The following LRRK1 variants were observed in gnomAD, a reference collection of about 807,000 sequenced individuals.
LRRK1 encodes leucine rich repeat kinase 1.
Under a neutral mutation model 209.1 loss-of-function variants are expected in LRRK1, and 113 were observed. That is an observed-to-expected ratio of 0.54 (90% CI 0.46 to 0.63). The LOEUF (loss-of-function observed/expected upper bound fraction) is 0.63. Ranked by LOEUF, LRRK1 falls within the 30% of genes least tolerant of loss-of-function variation. The pLI is 0.00. For missense variants in LRRK1, 2,284 were observed against 2,632.2 expected (o/e 0.87, Z 2.89); for synonymous variants, 1,144 against 1,099.7 (o/e 1.04, Z -0.80).
chr15:100,947,077 C>T (rs966517505), intron 2 of LRRK1, among the ~76,000 whole-genome samples: 8 of 152,202 alleles, frequency 5.3e-5, no homozygotes, highest in Non-Finnish European at 1.0e-4. Flanking sequence ...TCAAGCGATT[C>T]CTCTGCCTCA....
Position 100,962,823 on chromosome 15 carries a change from A to ATATATTTT in LRRK1, c.98-10980_98-10979insATATTTTT. ...TATATATATATATATATATATATAT[A>ATATATTTT]TTTTTTTTTTTTTTTTTGAGATGGA... On this transcript the variant is annotated intron_variant, in intron 2 of 33. Transcript: ENST00000388948. Among the ~76,000 whole-genome samples the ATATATTTT allele has an allele frequency of 2.6e-4, 3 of 11,548 alleles. 1 individual carries two copies. The highest frequency in any genetic ancestry group is 7.6e-4 in the African/African-American group (3 of 3,962). The allele number at this position is 11,548 out of a possible 152,430, so 7.6% of individuals were successfully genotyped here.
intron 6 of LRRK1, among the ~76,000 whole-genome samples, chr15:100,991,193 A>G (rs1201164243): frequency 6.6e-6 from 1 of 152,234 alleles, no homozygotes; most frequent in East Asian, 1.9e-4. Context: ...TCACTGGCCT[A>G]TTAATCTGTT....
Position 101,055,065 on chromosome 15 carries a change from A to G in LRRK1, c.4174A>G (p.Ile1392Val), listed in dbSNP as rs956247305. 1.2e-6 allele frequency: 2 copies of G among 1,614,070 alleles called. No homozygotes were observed. The highest frequency in any genetic ancestry group is 2.7e-5 in the African/African-American group (2 of 74,938). Residue 1392 changes from isoleucine (I) to valine (V), a missense_variant, in exon 27 of 34, where the codon ATT becomes GTT. This residue lies in a region of LRRK1 where 780 missense variants were observed against 985.2 expected (regional missense o/e 0.79). Transcript: ENST00000388948. Reference sequence around the variant, plus strand: ...CTTCTGTGACCTGAAGTCGGACAACATTCTGGTGTGGTCCCTTGACGTCAA... The same window carrying G: ...CTTCTGTGACCTGAAGTCGGACAACGTTCTGGTGTGGTCCCTTGACGTCAA... ...IIFCDLKSDN[I>V]LVWSLDVKEH...
rs1484016685 is a variant in LRRK1 at position 101,027,844 on chromosome 15, C to T, written c.2686+47C>T. 1 of 1,490,400 alleles carries T rather than the reference C, an allele frequency of 6.7e-7. No homozygotes were observed. Among genetic ancestry groups the T allele is most frequent in the Non-Finnish European group, 9.0e-7 (1 of 1,106,330 alleles). 92.3% of individuals were successfully genotyped at this position (1,490,400 alleles called of 1,614,324 possible). ...GGCAGGGTGCCCGTGAGAAATGGAA[C>T]TGTCTGTACTTGCTAACTTCAGCTT... On this transcript the variant is annotated intron_variant, in intron 19 of 33. Transcript: ENST00000388948. The surrounding 1 kb of genome is among the most constrained non-coding windows in gnomAD (Gnocchi z 5.1).
At position 100,923,712 on chromosome 15, in the gene LRRK1, G is replaced by A. The variant is rs188856591; in HGVS notation, c.-122-799G>A. ...CAGTTTATCATAGTCATTAGTTTCAGAGATTAGTCTAACTCCACCCTGGAA... is the reference window on the plus strand; with the variant it reads ...CAGTTTATCATAGTCATTAGTTTCAAAGATTAGTCTAACTCCACCCTGGAA... On this transcript the variant is annotated intron_variant, in intron 1 of 33. Transcript: ENST00000388948. Among the ~76,000 whole-genome samples the A allele has an allele frequency of 3.1e-3, 475 of 152,338 alleles. 3 individuals are homozygous for A. The highest frequency in any genetic ancestry group is 0.011 in the African/African-American group (447 of 41,566).
At chr15:100,924,344 G>T (rs1173320867) in intron 1 of LRRK1, among the ~76,000 whole-genome samples, 167 bp from the exon 2 acceptor site, 1 of 152,200 alleles carries the variant, frequency 6.6e-6, no homozygotes, top group African/African-American at 2.4e-5. Flanking sequence ...GATGGGATGG[G>T]GGGAGCTGTG....
chr15:101,053,306 C>A lies in LRRK1; in HGVS notation c.3940C>A (p.Leu1314Met), dbSNP rs1032474692. The change falls in exon 26 of 34, where the codon CTG (leucine) becomes ATG (methionine). Residue 1314 changes from leucine (L) to methionine (M), a missense_variant. By Grantham distance (15) the Leu-to-Met change is conservative. Around this residue, in one of 6 missense-constraint regions of LRRK1, gnomAD observed 780 missense variants for 985.2 expected, o/e 0.79. Transcript: ENST00000388948. ...FRQEASMLHA[L>M]QHPCIVALIG... ...GCAGGAGGCCAGCATGCTGCACGCG[C>A]TGCAGCACCCCTGCATCGTGGCGCT... The A allele has an allele frequency of 1.2e-6, 2 of 1,605,394 alleles. No individual in the cohort carries two copies. The highest frequency in any genetic ancestry group is 2.7e-5 in the African/African-American group (2 of 74,946).
chr15:101,058,391 G>A lies in LRRK1; in HGVS notation c.4679+250G>A, dbSNP rs1392623407. Among the ~76,000 whole-genome samples the A allele has an allele frequency of 7.9e-5, 12 of 152,058 alleles. 1 individual carries two copies. The highest frequency in any genetic ancestry group is 7.2e-4 in the Admixed American group (11 of 15,270). On this transcript the variant is annotated intron_variant, in intron 29 of 33. Coordinates refer to ENST00000388948, the MANE Select transcript of LRRK1 (RefSeq NM_024652.6). Reference sequence around the variant, plus strand: ...AGTATCTGCCAGGGTGTCTGGGGACGTGAGGGCACTGTGGCATGTGCCTAC... The same window carrying A: ...AGTATCTGCCAGGGTGTCTGGGGACATGAGGGCACTGTGGCATGTGCCTAC...
chr15:101,034,387 T>A (rs1188642374), intron 20 of LRRK1, among the ~76,000 whole-genome samples: 1 of 152,172 alleles, frequency 6.6e-6, no homozygotes, highest in Non-Finnish European at 1.5e-5. Context: ...TAGTTTGGGG[T>A]CTTAAATTTA....
Position 100,973,886 on chromosome 15 carries a change from C to T in LRRK1, c.180C>T (p.Ala60=), listed in dbSNP as rs1208429017. Residue 60 remains alanine (A), a synonymous_variant, in exon 3 of 34, where the codon GCC becomes GCT. Coordinates refer to ENST00000388948, the MANE Select transcript of LRRK1 (RefSeq NM_024652.6). ...ARSRRTEGIR[A]AYRRGDRGGA... ...CCCGCAGGACGGAAGGCATCCGCGC[C>T]GCGTACAGGCGGGGAGACCGCGGCG... is the stretch of plus-strand genomic sequence containing the variant. The T allele has an allele frequency of 7.8e-7, 1 of 1,277,304 alleles. No individual in the cohort carries two copies. Among genetic ancestry groups the T allele is most frequent in the Non-Finnish European group, 9.9e-7 (1 of 1,006,470 alleles). 79.1% of individuals were successfully genotyped at this position (1,277,304 alleles called of 1,614,324 possible).
chr15:101,066,536 C>T, intron 32 of LRRK1, 104 bp from the exon 33 acceptor site: 2 of 1,019,890 alleles, frequency 2.0e-6, no homozygotes, highest in Non-Finnish European at 1.5e-6. Flanking sequence ...GCAGAAACTG[C>T]ATGTCTGTTG....
In LRRK1 at chr15:101,048,479, TTC is replaced by T. The variant is rs771026681; in HGVS notation, c.3136-11_3136-10del. On this transcript the variant is annotated splice_polypyrimidine_tract_variant and intron_variant, in intron 21 of 33. Coordinates refer to ENST00000388948, the MANE Select transcript of LRRK1 (RefSeq NM_024652.6). The stretch of plus-strand genomic sequence containing the variant: ...GCCCAGAATACTTAAGCAGGGTCTT[TTC>T]TCTGTCTTTCAGCTTTTTGAAAACA... 4 of 1,600,530 alleles carry T rather than the reference TTC, an allele frequency of 2.5e-6. No homozygotes were observed. In the East Asian group the frequency reaches 9.1e-5, roughly 36 times the overall value.
chr15:100,979,770 T>A (rs963741620), intron 3 of LRRK1, among the ~76,000 whole-genome samples: 1 of 152,174 alleles, frequency 6.6e-6, no homozygotes, highest in Non-Finnish European at 1.5e-5. Context: ...GTATGAGATA[T>A]GTGAAGAGAC....
rs187714725 is a variant in LRRK1, at chr15:101,065,888, C to T, written c.5451C>T (p.Ser1817=). The change falls in exon 32 of 34, where the codon AGC becomes AGT. Residue 1817 remains serine (S), a synonymous_variant. Coordinates refer to ENST00000388948, the MANE Select transcript of LRRK1 (RefSeq NM_024652.6). ...AGGGGGACTCCATCGCGGACGTGAG[C>T]ATCATGTACAGTGAGGAGCTGGGCA... ...VPEGDSIADV[S]IMYSEELGTQ... 108 of 1,614,166 alleles carry T rather than the reference C, an allele frequency of 6.7e-5. No individual in the cohort carries two copies. The Admixed American group carries it at 1.4e-3, about 21-fold the overall frequency.
At position 101,053,125 on chromosome 15, in the gene LRRK1, CAT is replaced by C. The variant is rs541615038; in HGVS notation, c.3856+40_3856+41del. On this transcript the variant is annotated intron_variant, in intron 25 of 33. Coordinates refer to ENST00000388948, the MANE Select transcript of LRRK1 (RefSeq NM_024652.6). ...CCAGGTTGGTGCTGTTTTTCTCAGA[CAT>C]ATGCTGCCCGGGTCTAAGCTCTGTG... 22 of 1,593,540 alleles carry C rather than the reference CAT, an allele frequency of 1.4e-5. No individual in the cohort carries two copies. The African/African-American group carries it at 2.3e-4, about 16-fold the overall frequency.
chr15:101,051,326 G>C (rs188258806), intron 23 of LRRK1, among the ~76,000 whole-genome samples: 5 of 152,320 alleles, frequency 3.3e-5, no homozygotes, highest in African/African-American at 9.6e-5. Context: ...GTTTCTAATT[G>C]TAAGAAGGGT....
intron 2 of LRRK1, among the ~76,000 whole-genome samples, chr15:100,971,202 C>T (rs968062414): frequency 2.6e-5 from 4 of 151,870 alleles, no homozygotes; most frequent in African/African-American, 9.7e-5. Flanking sequence ...GACTTGGTGG[C>T]GTGCACCTGT....
At chr15:101,023,603 C>T (rs1195008592) in intron 15 of LRRK1, among the ~76,000 whole-genome samples, 1 of 152,228 alleles carries the variant, frequency 6.6e-6, no homozygotes, top group Non-Finnish European at 1.5e-5. Flanking sequence ...GAGGCTGCTT[C>T]ACTGTGGAAA....
intron 2 of LRRK1, among the ~76,000 whole-genome samples, chr15:100,930,538 C>G (rs1487014124): frequency 2.0e-5 from 3 of 152,254 alleles, no homozygotes; most frequent in East Asian, 1.9e-4. Flanking sequence ...TCCCCCACCC[C>G]ACACTTGCTC....
Sources: gnomAD v4.1 joint callset for allele counts (sites outside exome capture counted in the v4.1 genomes callset) on GRCh38, gnomAD v4.1.1 for gene constraint, gnomAD v4.1.1 regional missense constraint, Gnocchi (gnomAD v3.1) non-coding constraint, MANE v1.5 for transcripts, NCBI Gene and HGNC (gene_info 2026-07-23, HGNC 2026-07-21) for gene names.